The following SNX29 variants were observed in gnomAD, a reference collection of about 807,000 sequenced individuals.
The protein encoded by SNX29 is sorting nexin-29.
Under a neutral mutation model 102.1 loss-of-function variants are expected in SNX29, and 78 were observed. The observed-to-expected ratio is 0.76, with a 90% CI of 0.64 to 0.92. SNX29 has a LOEUF of 0.92. SNX29 is among the 40% of genes least tolerant of loss of function. SNX29 has a pLI of 0.00. For missense variants in SNX29, 1,280 were observed against 1,061.7 expected (o/e 1.21, Z -2.86); for synonymous variants, 580 against 414.5 (o/e 1.40, Z -4.85).
chr16:12,292,594 AT>A (rs2079836424), intron 15 of SNX29, among the ~76,000 whole-genome samples: 1 of 152,204 alleles, frequency 6.6e-6, no homozygotes, highest in Non-Finnish European at 1.5e-5. Flanking sequence ...CTTCTAGTTG[AT>A]TGTAAGGGGC....
intron 15 of SNX29, among the ~76,000 whole-genome samples, chr16:12,309,313 A>T (rs1326122953): frequency 6.6e-6 from 1 of 152,102 alleles, no homozygotes; most frequent in African/African-American, 2.4e-5. Context: ...GGGGCTACCT[A>T]TCTAGCCTCC....
chr16:12,137,716 C>T (rs551954898), intron 13 of SNX29, among the ~76,000 whole-genome samples: 5 of 152,194 alleles, frequency 3.3e-5, no homozygotes, highest in Non-Finnish European at 5.9e-5. Context: ...AAGGACAGTA[C>T]ATTTCTTCAG....
At chr16:12,135,445 G>A (rs2054624594) in intron 13 of SNX29, 11 of 1,192,798 alleles carry the variant, frequency 9.2e-6, no homozygotes, top group Middle Eastern at 2.2e-4. Context: ...CTCCATCCAT[G>A]AGGGCTTTAC....
intron 8 of SNX29, among the ~76,000 whole-genome samples, chr16:12,056,206 G>T (rs2050514786): frequency 6.6e-6 from 1 of 152,186 alleles, no homozygotes; most frequent in Non-Finnish European, 1.5e-5. Flanking sequence ...TGTAATCTGG[G>T]CCTTTGAGGA....
intron 18 of SNX29, among the ~76,000 whole-genome samples, chr16:12,443,787 A>G (rs1597396040): frequency 1.3e-5 from 2 of 152,242 alleles, no homozygotes. Flanking sequence ...ACTCTGCCGG[A>G]TGGCTGTCAT....
Position 12,287,784 on chromosome 16 carries a change from T to C in SNX29, c.1782+9748T>C, listed in dbSNP as rs1029391246. Among the ~76,000 whole-genome samples, 8 of 152,342 alleles carry C rather than the reference T, an allele frequency of 5.3e-5. 1 individual carries two copies. In the East Asian group the frequency reaches 1.4e-3, roughly 26 times the overall value. ...TGGTGATGGATCTCTTCAGTGTCTT[T>C]TAATCCATATGTTCTGTCACCTGTG... is the stretch of plus-strand genomic sequence containing the variant. On this transcript the variant is annotated intron_variant, in intron 15 of 20. Coordinates refer to ENST00000566228, the MANE Select transcript of SNX29 (RefSeq NM_032167.5).
intron 18 of SNX29, among the ~76,000 whole-genome samples, chr16:12,472,544 C>CAAAAAAAAAAA (rs568390260): frequency 8.6e-6 from 1 of 115,624 alleles, no homozygotes; most frequent in African/African-American, 3.4e-5. Context: ...AAAAAAAAAA[C>CAAAAAAAAAAA]AAAAAAAAAA....
intron 15 of SNX29, among the ~76,000 whole-genome samples, chr16:12,310,066 GCA>G (rs2080480313): frequency 6.6e-6 from 1 of 151,626 alleles, no homozygotes; most frequent in African/African-American, 2.4e-5. Context: ...ACGCATGCAC[GCA>G]CATACATACA....
Position 12,048,338 on chromosome 16 carries a change from C to G in SNX29, c.500-34C>G, listed in dbSNP as rs536690531. On this transcript the variant is annotated intron_variant, in intron 6 of 20. Coordinates refer to ENST00000566228, the MANE Select transcript of SNX29 (RefSeq NM_032167.5). Reference sequence around the variant, plus strand: ...TGTTGCTGGTATGACTGCCCATCAGCAAGCACTCCAGACTTTTCCCTTTTT... The same window carrying G: ...TGTTGCTGGTATGACTGCCCATCAGGAAGCACTCCAGACTTTTCCCTTTTT... 6 of 1,613,716 alleles carry G rather than the reference C, an allele frequency of 3.7e-6. No individual in the cohort carries two copies. In the Middle Eastern group the frequency reaches 6.6e-4, roughly 178 times the overall value.
At chr16:12,165,053 A>G (rs1208505161) in intron 13 of SNX29, among the ~76,000 whole-genome samples, 1 of 152,158 alleles carries the variant, frequency 6.6e-6, no homozygotes, top group Non-Finnish European at 1.5e-5. Context: ...CCATCATGTG[A>G]GTGAATCAAG....
Position 12,096,531 on chromosome 16 carries a change from G to A in SNX29, c.1402+17616G>A, listed in dbSNP as rs748236483. 3.3e-5 allele frequency among the ~76,000 whole-genome samples: 5 copies of A among 152,168 alleles called. No homozygotes were observed. Among genetic ancestry groups the A allele is most frequent in the Admixed American group, 6.5e-5 (1 of 15,278 alleles). On this transcript the variant is annotated intron_variant, in intron 11 of 20. Coordinates refer to ENST00000566228, the MANE Select transcript of SNX29 (RefSeq NM_032167.5). This position sits in a 1 kb window ranked among gnomAD's most constrained non-coding sequence, Gnocchi z 4.2. The stretch of plus-strand genomic sequence containing the variant: ...TACACAGAGAGTGCTTTGACATTGC[G>A]CTCAGCACTCAGGAGATGTTAGCTC...
intron 5 of SNX29, among the ~76,000 whole-genome samples, chr16:12,044,602 G>A (rs2050014989): frequency 1.3e-5 from 2 of 152,020 alleles, no homozygotes; most frequent in Admixed American, 6.5e-5. Context: ...TTTTTGAGAA[G>A]AAGTCTCGCT....
chr16:12,132,816 C>G (rs973460657), intron 13 of SNX29, among the ~76,000 whole-genome samples: 1 of 152,180 alleles, frequency 6.6e-6, no homozygotes, highest in East Asian at 1.9e-4. Flanking sequence ...TAAAACAGAC[C>G]AGTATTTCAA....
At chr16:12,156,072 AC>A (rs943549172) in intron 13 of SNX29, among the ~76,000 whole-genome samples, 20 of 152,010 alleles carry the variant, frequency 1.3e-4, no homozygotes, top group African/African-American at 3.4e-4. Flanking sequence ...CGTGGCGCAC[AC>A]CCCCCCACAT....
At chr16:12,434,031 A>G (rs1356538108) in intron 18 of SNX29, among the ~76,000 whole-genome samples, 2 of 152,010 alleles carry the variant, frequency 1.3e-5, no homozygotes, top group East Asian at 3.9e-4. Flanking sequence ...AAAACCTCCC[A>G]TGCTTGTTCT....
In SNX29 at chr16:12,051,894, A is replaced by T. The variant is rs922423803; in HGVS notation, c.796A>T (p.Ile266Leu). 3 of 1,613,592 alleles carry T rather than the reference A, an allele frequency of 1.9e-6. No homozygotes were observed. The African/African-American group carries it at 4.0e-5, about 22-fold the overall frequency. The change falls in exon 8 of 21, where the codon ATA becomes TTA. Residue 266 changes from isoleucine (I) to leucine (L), a missense_variant. Coordinates refer to ENST00000566228, the MANE Select transcript of SNX29 (RefSeq NM_032167.5). ...GAAGAAGAAAAAGAAAGTGACCAAC[A>T]TAATCTCATTTGATGATGAGGAAGA... ...ERKKKKKVTN[I>L]ISFDDEEDEQ...
At chr16:12,503,664 C>T (rs1487876958) in intron 19 of SNX29, among the ~76,000 whole-genome samples, 4 of 152,252 alleles carry the variant, frequency 2.6e-5, no homozygotes, top group South Asian at 2.1e-4. Context: ...AACGGGGTCT[C>T]CTCTTCCTTC....
intron 20 of SNX29, among the ~76,000 whole-genome samples, chr16:12,568,008 A>C (rs773548894): frequency 1.3e-5 from 2 of 152,114 alleles, no homozygotes; most frequent in Non-Finnish European, 2.9e-5. Context: ...ACACAATACC[A>C]TGCCAAACAA....
At chr16:12,543,274 T>A (rs1420822921) in intron 20 of SNX29, among the ~76,000 whole-genome samples, 1 of 152,190 alleles carries the variant, frequency 6.6e-6, no homozygotes, top group African/African-American at 2.4e-5. Flanking sequence ...CATCAGCGCA[T>A]GCATCTGGGT....
Sources: gnomAD v4.1 joint callset for allele counts (sites outside exome capture counted in the v4.1 genomes callset) on GRCh38, gnomAD v4.1.1 for gene constraint, Gnocchi (gnomAD v3.1) non-coding constraint, MANE v1.5 for transcripts, NCBI Gene and HGNC (gene_info 2026-07-23, HGNC 2026-07-21) for gene names.